The following EXOC6B variants were observed in gnomAD, a reference collection of about 807,000 sequenced individuals.
EXOC6B encodes the protein exocyst complex component 6B, also known as SEC15 homolog B.
Under a neutral mutation model 113.5 loss-of-function variants are expected in EXOC6B, and 54 were observed. That is an observed-to-expected ratio of 0.48 (90% CI 0.38 to 0.60). The LOEUF (loss-of-function observed/expected upper bound fraction) is 0.60, where lower values mean the gene tolerates loss of function less well. EXOC6B is among the 20% of genes least tolerant of loss of function. The pLI, the probability that EXOC6B is intolerant of heterozygous loss-of-function variation, is 0.00. For missense variants in EXOC6B, 797 were observed against 977.5 expected, an observed-to-expected ratio of 0.82 and a Z score of 2.46; for synonymous variants, 357 against 339.0, an observed-to-expected ratio of 1.05 and a Z score of -0.58.
intron 6 of EXOC6B, among the ~76,000 whole-genome samples, chr2:72,689,501 G>A (rs1677332913): frequency 6.6e-6 from 1 of 152,172 alleles, no homozygotes; most frequent in African/African-American, 2.4e-5. Flanking sequence ...GAAGGACTGG[G>A]ATTCCTAATG....
chr2:72,364,977 T>C (rs1690531510), intron 19 of EXOC6B, among the ~76,000 whole-genome samples: 2 of 152,180 alleles, frequency 1.3e-5, no homozygotes, highest in African/African-American at 2.4e-5. Context: ...CAATTTTGAC[T>C]GGTTTAGCCA....
rs183066667 is a variant in EXOC6B, at chr2:72,696,990, C to T, written c.669+21113G>A. 5.3e-5 allele frequency among the ~76,000 whole-genome samples: 8 copies of T among 152,166 alleles called. No individual in the cohort carries two copies. In the East Asian group the frequency reaches 1.5e-3, roughly 29 times the overall value. ...ACAAAATTTGAAATTATCAAGAAGGCTATCTGTACAAGGAATTTAAATGTA... is the reference window on the plus strand; with the variant it reads ...ACAAAATTTGAAATTATCAAGAAGGTTATCTGTACAAGGAATTTAAATGTA... On this transcript the variant is annotated intron_variant, in intron 6 of 21. Transcript: ENST00000272427.
chr2:72,480,595 A>C, intron 17 of EXOC6B, 21 bp downstream of exon 17: 1 of 1,563,482 alleles, frequency 6.4e-7, no homozygotes, highest in South Asian at 1.2e-5. Context: ...GCAGTTCCAC[A>C]GTACTGTAGG....
At chr2:72,226,765 G>A (rs765660426) in intron 20 of EXOC6B, among the ~76,000 whole-genome samples, 25 of 152,128 alleles carry the variant, frequency 1.6e-4, no homozygotes, top group African/African-American at 3.6e-4. Context: ...GACTAACTTC[G>A]CTCATTAAGT....
chr2:72,511,237 T>A (rs1400049112), intron 11 of EXOC6B, among the ~76,000 whole-genome samples: 2 of 152,142 alleles, frequency 1.3e-5, no homozygotes, highest in African/African-American at 4.8e-5. Flanking sequence ...ACCAATCTCC[T>A]AGAACTTGCT....
intron 6 of EXOC6B, among the ~76,000 whole-genome samples, chr2:72,648,754 A>G (rs1325827784): frequency 2.6e-5 from 4 of 152,230 alleles, no homozygotes; most frequent in African/African-American, 9.6e-5. Context: ...CATTTACAAC[A>G]TGGATGGAAC....
At chr2:72,455,180 T>G (rs2105374150) in intron 18 of EXOC6B, among the ~76,000 whole-genome samples, 1 of 152,302 alleles carries the variant, frequency 6.6e-6, no homozygotes, top group Admixed American at 6.5e-5. Context: ...CTGAAACTTC[T>G]TTATTTTGTT....
At chr2:72,342,721 G>T (rs1431282490) in intron 19 of EXOC6B, among the ~76,000 whole-genome samples, 2 of 152,074 alleles carry the variant, frequency 1.3e-5, no homozygotes, top group African/African-American at 4.8e-5. Context: ...ACTGCTTGAG[G>T]CCAAGACCAG....
At chr2:72,806,120 C>T (rs780263367) in intron 1 of EXOC6B, among the ~76,000 whole-genome samples, 5 of 152,054 alleles carry the variant, frequency 3.3e-5, no homozygotes, top group Non-Finnish European at 7.4e-5. Context: ...AGGTACAAAT[C>T]CCATCACTAG....
chr2:72,277,487 G>C (rs1684869973), intron 20 of EXOC6B, among the ~76,000 whole-genome samples: 2 of 151,798 alleles, frequency 1.3e-5, no homozygotes, highest in African/African-American at 2.4e-5. Context: ...TAGAAAGTAT[G>C]TATTTGTTTT....
rs149750171 is a variant in EXOC6B, at chr2:72,648,460, G to A, written c.669+69643C>T. ...TACCCAAAGGATTATAAATCATGCT[G>A]CTATAAAGACACATGTACACATATG... On this transcript the variant is annotated intron_variant, in intron 6 of 21. Transcript: ENST00000272427. 4.2e-3 allele frequency among the ~76,000 whole-genome samples: 635 copies of A among 152,288 alleles called. 6 individuals carry two copies. Among genetic ancestry groups the A allele is most frequent in the African/African-American group, 0.015 (613 of 41,540 alleles).
Position 72,313,735 on chromosome 2 carries a change from AACATAAAATT to A in EXOC6B, c.2196+21202_2196+21211del, listed in dbSNP as rs565444822. 4.7e-3 allele frequency among the ~76,000 whole-genome samples: 716 copies of A among 152,362 alleles called. 8 individuals are homozygous for A. Among genetic ancestry groups the A allele is most frequent in the African/African-American group, 0.016 (664 of 41,578 alleles). On this transcript the variant is annotated intron_variant, in intron 20 of 21. Coordinates refer to ENST00000272427, the MANE Select transcript of EXOC6B (RefSeq NM_015189.3). ...GTCCAGCATATTATGGGACACAACT[AACATAAAATT>A]ACAGCTTTTACATTCTTATCCAGAA...
chr2:72,403,077 C>T (rs570689543), intron 18 of EXOC6B, among the ~76,000 whole-genome samples: 1 of 152,198 alleles, frequency 6.6e-6, no homozygotes, highest in East Asian at 1.9e-4. Flanking sequence ...CAGGCTTGCA[C>T]TGAGCCCAGA....
intron 21 of EXOC6B, among the ~76,000 whole-genome samples, chr2:72,181,940 G>A (rs1678113817): frequency 6.6e-6 from 1 of 152,118 alleles, no homozygotes; most frequent in African/African-American, 2.4e-5. Flanking sequence ...ATGATGCAGG[G>A]GCCACTTCTT....
intron 20 of EXOC6B, 123 bp from the exon 21 acceptor site, chr2:72,184,310 A>G (rs1678280721): frequency 2.5e-5 from 14 of 566,614 alleles, no homozygotes; most frequent in South Asian, 2.4e-4. Flanking sequence ...TTAAAATATA[A>G]TAAGAAAAAG....
chr2:72,625,835 T>A (rs1021313303), intron 6 of EXOC6B, among the ~76,000 whole-genome samples: 2 of 152,202 alleles, frequency 1.3e-5, no homozygotes, highest in Non-Finnish European at 2.9e-5. Context: ...TCACCTCCAA[T>A]TCACATGTGG....
intron 6 of EXOC6B, among the ~76,000 whole-genome samples, chr2:72,623,658 T>C (rs994730229): frequency 1.3e-5 from 2 of 152,156 alleles, no homozygotes; most frequent in African/African-American, 4.8e-5. Context: ...AATGTTTCAG[T>C]GCCCTGTCAA....
chr2:72,665,050 G>A (rs116061134), intron 6 of EXOC6B, among the ~76,000 whole-genome samples: 488 of 152,326 alleles, frequency 3.2e-3, no homozygotes, highest in Admixed American at 7.6e-3. Context: ...ATGTGGGTTC[G>A]AGGGCTGGCA....
chr2:72,523,643 T>A (rs907826229), intron 8 of EXOC6B, among the ~76,000 whole-genome samples: 4 of 151,798 alleles, frequency 2.6e-5, no homozygotes, highest in Admixed American at 6.6e-5. Flanking sequence ...CAGCCGGGCG[T>A]GGTGGCAGGC....
Sources: gnomAD v4.1 joint callset for allele counts (sites outside exome capture counted in the v4.1 genomes callset) on GRCh38, gnomAD v4.1.1 for gene constraint, MANE v1.5 for transcripts, NCBI Gene and HGNC (gene_info 2026-07-23, HGNC 2026-07-21) for gene names.